DCDC1: variants seen among roughly 807,000 people sequenced by gnomAD.
DCDC1 encodes doublecortin domain containing 1.
Under a neutral mutation model 178.3 loss-of-function variants are expected in DCDC1, and 200 were observed. That is an observed-to-expected ratio of 1.12 (90% CI 1.00 to 1.26). The LOEUF (loss-of-function observed/expected upper bound fraction) is 1.26, where lower values mean the gene tolerates loss of function less well. Among genes scored for constraint, DCDC1 ranks in the 50% most tolerant of loss-of-function variants. The pLI is 0.00. For missense variants in DCDC1, 1,983 were observed against 1,749.2 expected (o/e 1.13, Z -2.38); for synonymous variants, 690 against 604.8 (o/e 1.14, Z -2.07).
At chr11:31,194,742 T>C (rs1295814736) in intron 9 of DCDC1, among the ~76,000 whole-genome samples, 1 of 152,120 alleles carries the variant, frequency 6.6e-6, no homozygotes, top group East Asian at 1.9e-4. Context: ...TGGACATTTT[T>C]GCATGTAACA....
chr11:30,954,255 T>C (rs923783818), intron 20 of DCDC1, among the ~76,000 whole-genome samples: 1 of 152,206 alleles, frequency 6.6e-6, no homozygotes, highest in South Asian at 2.1e-4. Context: ...GACCTCGTGA[T>C]CTGCCGGCCT....
chr11:30,925,362 T>G lies in DCDC1; in HGVS notation c.2944A>C (p.Asn982His). ...GCAAATATTTCCTTCCCCTTTTCATTGTACAATCTCCGAGCTGCAGAAGGT... is the reference window on the plus strand; with the variant it reads ...GCAAATATTTCCTTCCCCTTTTCATGGTACAATCTCCGAGCTGCAGAAGGT... ...NLPSAARRLY[N>H]EKGKEIFALK... Residue 982 changes from asparagine to histidine, a missense_variant, in exon 23 of 39, where the codon AAT becomes CAT. Physicochemically the swap from Asn to His is moderately conservative, Grantham distance 68. Coordinates refer to ENST00000684477, the MANE Select transcript of DCDC1 (RefSeq NM_001387274.1). 1 of 1,613,842 alleles carries G rather than the reference T, an allele frequency of 6.2e-7. No individual in the cohort carries two copies. Among genetic ancestry groups the G allele is most frequent in the South Asian group, 1.1e-5 (1 of 91,078 alleles).
At chr11:31,264,531 A>T (rs754629806) in intron 8 of DCDC1, among the ~76,000 whole-genome samples, 5 of 152,138 alleles carry the variant, frequency 3.3e-5, no homozygotes, top group Non-Finnish European at 7.4e-5. Context: ...CAACTCCACC[A>T]CTTGCTAGTT....
chr11:31,289,351 T>TGCTTAGCA (rs1947058394), intron 7 of DCDC1, among the ~76,000 whole-genome samples: 2 of 152,050 alleles, frequency 1.3e-5, no homozygotes. Context: ...GGGAAGATGT[T>TGCTTAGCA]ATAACTTGCC....
chr11:31,098,873 A>C (rs1021915714), intron 15 of DCDC1, among the ~76,000 whole-genome samples: 2 of 152,196 alleles, frequency 1.3e-5, no homozygotes, highest in Admixed American at 1.3e-4. Flanking sequence ...CCAGTTTATC[A>C]AATTTTTGCT....
At chr11:31,340,001 G>A (rs1950462185) in intron 1 of DCDC1, among the ~76,000 whole-genome samples, 1 of 151,566 alleles carries the variant, frequency 6.6e-6, no homozygotes, top group Non-Finnish European at 1.5e-5. Context: ...TTTAAAGAAG[G>A]CATCAAAAAG....
chr11:31,158,745 T>G (rs1373428211), intron 9 of DCDC1, among the ~76,000 whole-genome samples: 1 of 152,168 alleles, frequency 6.6e-6, no homozygotes, highest in African/African-American at 2.4e-5. Context: ...TGCAACAAGA[T>G]TAGCAATGTC....
intron 11 of DCDC1, among the ~76,000 whole-genome samples, chr11:31,112,643 T>C (rs575782835): frequency 6.6e-6 from 1 of 152,288 alleles, no homozygotes; most frequent in African/African-American, 2.4e-5. Flanking sequence ...AAAAACATAG[T>C]AGCTAACAAC....
chr11:30,994,529 T>TCA (rs144929879), intron 20 of DCDC1, among the ~76,000 whole-genome samples: 2 of 145,152 alleles, frequency 1.4e-5, no homozygotes, highest in East Asian at 3.9e-4. Context: ...TGACCTCAAG[T>TCA]TATATATATA....
At chr11:31,333,579 G>A in intron 2 of DCDC1, among the ~76,000 whole-genome samples, 1 of 152,162 alleles carries the variant, frequency 6.6e-6, no homozygotes, top group South Asian at 2.1e-4. Flanking sequence ...GCCTGGTGGT[G>A]ACAAAATCTC....
intron 9 of DCDC1, among the ~76,000 whole-genome samples, chr11:31,140,886 G>A (rs1212675267): frequency 4.6e-5 from 7 of 152,154 alleles, no homozygotes; most frequent in Non-Finnish European, 8.8e-5. Flanking sequence ...CAGGCACTGT[G>A]CCCTCTCCAA....
intron 9 of DCDC1, among the ~76,000 whole-genome samples, chr11:31,181,057 G>GAGT (rs1481248365): frequency 6.6e-6 from 1 of 152,122 alleles, no homozygotes; most frequent in African/African-American, 2.4e-5. Context: ...ATTGAAGCTT[G>GAGT]AGTAGGTGGT....
In DCDC1 at chr11:31,142,229, CA is replaced by C. The variant is rs1251650415; in HGVS notation, c.1222-4446del. Among the ~76,000 whole-genome samples, 4 of 152,072 alleles carry C rather than the reference CA, an allele frequency of 2.6e-5. No homozygotes were observed. The South Asian group carries it at 6.2e-4, about 24-fold the overall frequency. Reference sequence around the variant, plus strand: ...ATTACTGGAATTAAGAGTGGCCACACAAAAAATATTTGGTAAAAGAATTAAA... The same window carrying C: ...ATTACTGGAATTAAGAGTGGCCACACAAAAATATTTGGTAAAAGAATTAAA... On this transcript the variant is annotated intron_variant, in intron 9 of 38. Coordinates refer to ENST00000684477, the MANE Select transcript of DCDC1 (RefSeq NM_001387274.1).
chr11:31,023,194 T>C (rs1370026272), intron 20 of DCDC1, among the ~76,000 whole-genome samples: 1 of 152,120 alleles, frequency 6.6e-6, no homozygotes, highest in Non-Finnish European at 1.5e-5. Flanking sequence ...CTGCCTTAGT[T>C]TATAATTATG....
At chr11:30,972,344 A>G (rs1020255091) in intron 20 of DCDC1, among the ~76,000 whole-genome samples, 2 of 152,224 alleles carry the variant, frequency 1.3e-5, no homozygotes, top group African/African-American at 4.8e-5. Flanking sequence ...AAAGAAAAAA[A>G]CTGTCACATG....
At chr11:31,151,873 A>G (rs1002085057) in intron 9 of DCDC1, among the ~76,000 whole-genome samples, 5 of 150,430 alleles carry the variant, frequency 3.3e-5, no homozygotes, top group African/African-American at 1.3e-4. Context: ...TTTCCATTAG[A>G]AGGTATAAGT....
intron 20 of DCDC1, among the ~76,000 whole-genome samples, chr11:31,042,328 T>C (rs961817768): frequency 1.3e-5 from 2 of 152,194 alleles, no homozygotes; most frequent in African/African-American, 4.8e-5. Flanking sequence ...AACCTATTAA[T>C]TTGTAATAAC....
chr11:31,212,447 T>C (rs1399749359), intron 9 of DCDC1, among the ~76,000 whole-genome samples: 1 of 152,040 alleles, frequency 6.6e-6, no homozygotes, highest in East Asian at 1.9e-4. Flanking sequence ...TAACAGGTAA[T>C]TTAAACACAC....
chr11:30,987,934 GA>G (rs1270561321), intron 20 of DCDC1, among the ~76,000 whole-genome samples: 1 of 152,158 alleles, frequency 6.6e-6, no homozygotes, highest in African/African-American at 2.4e-5. Context: ...TGTAGATAGA[GA>G]AAGGCTTAGT....
Sources: allele counts gnomAD v4.1 joint callset (sites outside exome capture counted in the v4.1 genomes callset), GRCh38; gene constraint gnomAD v4.1.1; transcripts MANE v1.5; gene names NCBI Gene and HGNC (gene_info 2026-07-23, HGNC 2026-07-21).